Variants in DDX4 observed in about 807,000 individuals in gnomAD.
DDX4 encodes DEAD-box helicase 4.
A neutral mutation model predicts 100.0 loss-of-function variants in DDX4; 25 were observed. The observed-to-expected ratio is 0.25, with a 90% CI of 0.18 to 0.35. The LOEUF is 0.35. Among genes scored for constraint, DDX4 ranks in the 10% least tolerant of loss-of-function variants. The pLI, the probability that DDX4 is intolerant of heterozygous loss-of-function variation, is 1.00. For synonymous variants in DDX4, 259 were observed against 275.7 expected (o/e 0.94, Z 0.60); for missense variants, 635 against 882.4 (o/e 0.72, Z 3.55).
rs1740679588 is a variant in DDX4, at chr5:55,763,269, G to C, written c.283+17G>C. On this transcript the variant is annotated intron_variant, in intron 5 of 21. Transcript: ENST00000505374. ...GAAACAGAGGTAATTACTTGGTTAT[G>C]ATATCTTACAATCAAAACTTGAGTG... 2 of 1,506,174 alleles carry C rather than the reference G, an allele frequency of 1.3e-6. No individual in the cohort carries two copies. 93.3% of individuals were successfully genotyped at this position (1,506,174 alleles called of 1,614,324 possible). A position where few individuals can be genotyped will look rare whatever the true frequency, so the allele number is the denominator to read the frequency against.
chr5:55,759,955 G>A (rs1760209291), intron 3 of DDX4, among the ~76,000 whole-genome samples: 1 of 151,834 alleles, frequency 6.6e-6, no homozygotes, highest in East Asian at 1.9e-4. Flanking sequence ...TCAATTATGA[G>A]GTTAAAAATT....
At chr5:55,767,810 AG>A in intron 6 of DDX4, 70 bp from the exon 7 acceptor site, 1 of 1,040,358 alleles carries the variant, frequency 9.6e-7, no homozygotes, top group Non-Finnish European at 1.4e-6. Context: ...ATCTTGTGAC[AG>A]TGCTATTCTT....
intron 18 of DDX4, among the ~76,000 whole-genome samples, chr5:55,806,028 C>G (rs1160723575): frequency 1.3e-5 from 2 of 152,138 alleles, no homozygotes; most frequent in Admixed American, 6.5e-5. Context: ...TTCAGAGATT[C>G]AACTTCTTCC....
intron 5 of DDX4, among the ~76,000 whole-genome samples, chr5:55,763,637 T>C (rs994002208): frequency 2.0e-5 from 3 of 152,172 alleles, no homozygotes. Context: ...GGTTATAATT[T>C]AGTTGTATTG....
At chr5:55,795,694 G>A (rs1361274368) in intron 17 of DDX4, among the ~76,000 whole-genome samples, 2 of 152,142 alleles carry the variant, frequency 1.3e-5, no homozygotes, top group East Asian at 3.8e-4. Context: ...GATCTCTTGA[G>A]CCCAGGAAGT....
intron 6 of DDX4, among the ~76,000 whole-genome samples, chr5:55,766,122 T>A (rs7723366): frequency 0.069 from 10,433 of 152,006 alleles, 556 homozygotes; most frequent in African/African-American, 0.15. Context: ...AGGCCATATG[T>A]TATTTTTGTA....
intron 17 of DDX4, among the ~76,000 whole-genome samples, chr5:55,796,819 CTTTCTTTTT>C (rs1742977154): frequency 3.2e-5 from 2 of 63,452 alleles, no homozygotes; most frequent in Non-Finnish European, 7.3e-5. Flanking sequence ...TTTTTTCTTT[CTTTCTTTTT>C]TTTTTTTTTT....
Position 55,792,792 on chromosome 5 carries a change from C to T in DDX4, c.1454C>T (p.Pro485Leu). The T allele has an allele frequency of 7.0e-7, 1 of 1,425,010 alleles. No homozygotes were observed. The highest frequency in any genetic ancestry group is 1.9e-5 in the South Asian group (1 of 51,618). The allele number at this position is 1,425,010 out of a possible 1,614,324, so 88.3% of individuals were successfully genotyped here. The change falls in exon 17 of 22, where the codon CCA becomes CTA. Residue 485 changes from proline to leucine, a missense_variant. Pro to Leu is a moderately conservative substitution (Grantham distance 98, BLOSUM62 -3). Around this residue, in one of 4 missense-constraint regions of DDX4, gnomAD observed 115 missense variants for 224.7 expected, o/e 0.51. Transcript: ENST00000505374. ...ACCCTTATGTTCAGTGCAACTTTTCCAGAGGAAATTCAAAGGTTAAGTTTT... is the reference window on the plus strand; with the variant it reads ...ACCCTTATGTTCAGTGCAACTTTTCTAGAGGAAATTCAAAGGTTAAGTTTT... ...RQTLMFSATFPEEIQRLAAEF... is the reference protein window; with the variant it reads ...RQTLMFSATFLEEIQRLAAEF...
intron 17 of DDX4, among the ~76,000 whole-genome samples, chr5:55,796,839 T>C (rs982136246): frequency 4.5e-5 from 4 of 89,876 alleles, no homozygotes; most frequent in Admixed American, 1.6e-4. Flanking sequence ...TTTTTTTTTT[T>C]TTTTTTTTTT....
chr5:55,741,086 CT>C (rs1218339085), intron 2 of DDX4, among the ~76,000 whole-genome samples: 3 of 152,146 alleles, frequency 2.0e-5, no homozygotes, highest in East Asian at 1.9e-4. Flanking sequence ...TTTATTCCCC[CT>C]GGTCTTAATA....
At chr5:55,760,844 CTA>C (rs1168583989) in intron 4 of DDX4, among the ~76,000 whole-genome samples, 1 of 152,060 alleles carries the variant, frequency 6.6e-6, no homozygotes, top group African/African-American at 2.4e-5. Context: ...GAAATATGTG[CTA>C]TATTTTATTA....
chr5:55,741,037 G>C (rs765122402), intron 2 of DDX4, among the ~76,000 whole-genome samples: 10 of 152,062 alleles, frequency 6.6e-5, no homozygotes, highest in Non-Finnish European at 1.2e-4. Context: ...GTTCTCAATA[G>C]ATTTGTTATA....
intron 18 of DDX4, among the ~76,000 whole-genome samples, chr5:55,807,927 C>G (rs910056161): frequency 3.9e-5 from 6 of 152,172 alleles, no homozygotes; most frequent in African/African-American, 1.4e-4. Context: ...CAACTTTCTT[C>G]CATTCTCCCT....
chr5:55,767,462 G>A (rs1216957888), intron 6 of DDX4, among the ~76,000 whole-genome samples: 3 of 152,154 alleles, frequency 2.0e-5, no homozygotes, highest in Non-Finnish European at 4.4e-5. Context: ...GTAAATTACA[G>A]AAAAGATATG....
chr5:55,754,764 G>A (rs989945586), intron 3 of DDX4, among the ~76,000 whole-genome samples: 1 of 150,412 alleles, frequency 6.6e-6, no homozygotes, highest in African/African-American at 2.4e-5. Context: ...GTTCCTCCTT[G>A]TACCTCTGGT....
chr5:55,742,056 A>T (rs931209476), intron 2 of DDX4: 22 of 427,588 alleles, frequency 5.1e-5, no homozygotes, highest in Non-Finnish European at 9.6e-5. Flanking sequence ...GTTCTAGTAT[A>T]ACAGATAGAA....
chr5:55,746,126 A>C, intron 2 of DDX4, 38 bp from the exon 3 acceptor site: 1 of 1,522,416 alleles, frequency 6.6e-7, no homozygotes. Context: ...TTCATATTCA[A>C]AGTAGGAAAC....
intron 18 of DDX4, among the ~76,000 whole-genome samples, chr5:55,806,450 T>C (rs1743727306): frequency 6.6e-6 from 1 of 152,244 alleles, no homozygotes; most frequent in Non-Finnish European, 1.5e-5. Flanking sequence ...CTGCTTTCTC[T>C]TGTGGGCATT....
intron 18 of DDX4, among the ~76,000 whole-genome samples, chr5:55,800,749 T>C (rs886676829): frequency 6.6e-6 from 1 of 152,358 alleles, no homozygotes; most frequent in Middle Eastern, 3.4e-3. Context: ...ATGAGCACTA[T>C]TGATATACTT....
Sources: allele counts gnomAD v4.1 joint callset (sites outside exome capture counted in the v4.1 genomes callset), GRCh38; gene constraint gnomAD v4.1.1; regional missense constraint gnomAD v4.1.1; transcripts MANE v1.5; gene names NCBI Gene and HGNC (gene_info 2026-07-23, HGNC 2026-07-21).